The following DST variants were observed in gnomAD, a reference collection of about 807,000 sequenced individuals.
DST encodes bullous pemphigoid antigen.
A neutral mutation model predicts 875.2 loss-of-function variants in DST; 253 were observed. The ratio of observed to expected loss-of-function variants is 0.29; its 90% CI spans 0.26 to 0.32. The LOEUF is 0.32. Ranked by LOEUF, DST falls within the 10% of genes least tolerant of loss-of-function variation. The probability of loss-of-function intolerance (pLI) is 1.00; values close to 1 mark genes in which losing one functional copy is unlikely to be tolerated. For synonymous variants in DST, 3,124 were observed against 3,197.1 expected, an observed-to-expected ratio of 0.98 and a Z score of 0.77; for missense variants, 8,287 against 9,111.6, an observed-to-expected ratio of 0.91 and a Z score of 3.68.
intron 2 of DST, among the ~76,000 whole-genome samples, chr6:56,927,131 C>G (rs2127753201): frequency 6.6e-6 from 1 of 152,070 alleles, no homozygotes; most frequent in East Asian, 1.9e-4. Flanking sequence ...ATGCTGGTAG[C>G]CAAAAAAGCT....
At chr6:56,712,487 A>T (rs1321190677) in intron 5 of DST, among the ~76,000 whole-genome samples, 2 of 152,218 alleles carry the variant, frequency 1.3e-5, no homozygotes, top group African/African-American at 4.8e-5. Flanking sequence ...GATGGAAATA[A>T]GTGAAAATGT....
chr6:56,920,969 C>T (rs1252892994), intron 2 of DST, among the ~76,000 whole-genome samples: 1 of 140,518 alleles, frequency 7.1e-6, no homozygotes, highest in Non-Finnish European at 1.5e-5. Flanking sequence ...ATCTGGAACT[C>T]CTAGGCTCAA....
chr6:56,476,602 T>C lies in DST; in HGVS notation c.21676-265A>G, dbSNP rs1003486434. 2.0e-5 allele frequency among the ~76,000 whole-genome samples: 3 copies of C among 152,158 alleles called. No individual in the cohort carries two copies. In the East Asian group the frequency reaches 5.8e-4, roughly 29 times the overall value. On this transcript the variant is annotated intron_variant, in intron 91 of 103. Coordinates refer to ENST00000680361, the MANE Select transcript of DST (RefSeq NM_001374736.1). ...TTTTGCTTTCTAATTTGAGTTCAAA[T>C]ATGCATTCTCTGAAGGATCAGGTAA... is the stretch of plus-strand genomic sequence containing the variant.
chr6:56,851,776 C>A (rs757970727), intron 3 of DST, 172 bp from the exon 4 acceptor site: 12 of 1,551,536 alleles, frequency 7.7e-6, no homozygotes, highest in Non-Finnish European at 1.0e-5. Context: ...AAAAATAAAA[C>A]CCGGAGCTCA....
intron 2 of DST, among the ~76,000 whole-genome samples, chr6:56,927,882 C>T (rs922614926): frequency 6.6e-6 from 1 of 152,142 alleles, no homozygotes; most frequent in Non-Finnish European, 1.5e-5. Context: ...AACCTGCAGA[C>T]CATAAATGCA....
At chr6:56,753,532 A>T (rs1331980169) in intron 4 of DST, among the ~76,000 whole-genome samples, 1 of 152,246 alleles carries the variant, frequency 6.6e-6, no homozygotes, top group Non-Finnish European at 1.5e-5. Context: ...GCTAAAAAGA[A>T]ATAATGAATG....
chr6:56,522,176 T>C (rs918784114), intron 69 of DST, among the ~76,000 whole-genome samples: 1 of 152,154 alleles, frequency 6.6e-6, no homozygotes, highest in African/African-American at 2.4e-5. Flanking sequence ...CACATTGTTC[T>C]AAGTGCTTAA....
At position 56,606,548 on chromosome 6, in the gene DST, C is replaced by A. The variant is rs747048524; in HGVS notation, c.8080G>T (p.Asp2694Tyr). The change falls in exon 40 of 104, where the codon GAT becomes TAT. Residue 2694 changes from aspartate to tyrosine, a missense_variant. By Grantham distance (160) the Asp-to-Tyr change is radical (BLOSUM62 -3). Coordinates refer to ENST00000680361, the MANE Select transcript of DST (RefSeq NM_001374736.1). ...KAHCLQDFLM[D>Y]VEKDELDSGE... ...GAATCTAATTCATCTTTCTCAACAT[C>A]CATAAGGAAATCCTGAAGACAATGT... is the stretch of plus-strand genomic sequence containing the variant. 1.9e-5 allele frequency: 30 copies of A among 1,613,360 alleles called. No individual in the cohort carries two copies. In the South Asian group the frequency reaches 3.3e-4, roughly 18 times the overall value.
intron 77 of DST, 40 bp from the exon 78 acceptor site, chr6:56,504,138 A>G (rs779211552): frequency 1.6e-5 from 21 of 1,353,382 alleles, no homozygotes; most frequent in Non-Finnish European, 1.9e-5. Flanking sequence ...ACAACAGTAC[A>G]TTTGAAATTG....
chr6:56,762,558 T>C (rs1012665640), intron 4 of DST, among the ~76,000 whole-genome samples: 1 of 152,222 alleles, frequency 6.6e-6, no homozygotes, highest in African/African-American at 2.4e-5. Flanking sequence ...TTCTTAACTA[T>C]ATACTTCTTT....
At chr6:56,844,871 C>CAAA (rs11389743) in intron 4 of DST, among the ~76,000 whole-genome samples, 3,320 of 123,166 alleles carry the variant, frequency 0.027, 170 homozygotes, top group African/African-American at 0.091. Flanking sequence ...GACTCCGTCT[C>CAAA]AAAAAAAAAA....
intron 4 of DST, among the ~76,000 whole-genome samples, chr6:56,775,785 T>C (rs1234480880): frequency 6.6e-6 from 1 of 152,242 alleles, no homozygotes; most frequent in East Asian, 1.9e-4. Flanking sequence ...CATTGGATTA[T>C]AATCCAAAGT....
intron 5 of DST, among the ~76,000 whole-genome samples, chr6:56,729,047 G>A (rs1432761353): frequency 1.3e-5 from 2 of 150,614 alleles, no homozygotes; most frequent in Non-Finnish European, 3.0e-5. Context: ...AGCAAACTAG[G>A]TAAAACATTA....
At chr6:56,463,342 A>G (rs1056970220) in intron 101 of DST, among the ~76,000 whole-genome samples, 186 bp from the exon 102 acceptor site, 10 of 152,218 alleles carry the variant, frequency 6.6e-5, no homozygotes, top group African/African-American at 2.4e-4. Context: ...AGAAAAATCA[A>G]TCTGGAAGAT....
chr6:56,910,479 T>C (rs1452245174), intron 2 of DST, among the ~76,000 whole-genome samples: 2 of 151,698 alleles, frequency 1.3e-5, no homozygotes, highest in East Asian at 3.9e-4. Flanking sequence ...TATTTTATTT[T>C]ATTTTATTTT....
intron 4 of DST, among the ~76,000 whole-genome samples, chr6:56,741,812 T>C (rs899862052): frequency 6.6e-6 from 1 of 152,236 alleles, no homozygotes; most frequent in African/African-American, 2.4e-5. Flanking sequence ...ATTGAACTTT[T>C]ATAACATTCC....
At chr6:56,857,613 G>C (rs1440329948) in intron 3 of DST, among the ~76,000 whole-genome samples, 3 of 151,968 alleles carry the variant, frequency 2.0e-5, no homozygotes, top group East Asian at 3.8e-4. Flanking sequence ...ACACAACATA[G>C]GTTCAGCATC....
chr6:56,808,355 A>G (rs2099755719), intron 4 of DST, among the ~76,000 whole-genome samples: 1 of 152,248 alleles, frequency 6.6e-6, no homozygotes, highest in Non-Finnish European at 1.5e-5. Flanking sequence ...TACTCCAGCA[A>G]TAAAGTTTGA....
At chr6:56,624,419 C>T (rs758760326) in intron 36 of DST, 111 bp downstream of exon 36, 4 of 747,296 alleles carry the variant, frequency 5.4e-6, no homozygotes, top group Admixed American at 3.7e-5. Flanking sequence ...ACATCTGCTA[C>T]CGGCCACATA....
Sources: allele counts gnomAD v4.1 joint callset (sites outside exome capture counted in the v4.1 genomes callset), GRCh38; gene constraint gnomAD v4.1.1; transcripts MANE v1.5; gene names NCBI Gene and HGNC (gene_info 2026-07-23, HGNC 2026-07-21).